BTBD9: variants seen among roughly 807,000 people sequenced by gnomAD.
The protein encoded by BTBD9 is BTB/POZ domain-containing protein 9.
In BTBD9, 49 loss-of-function variants were observed where a neutral mutation model predicts 64.3. The ratio of observed to expected loss-of-function variants is 0.76; its 90% CI spans 0.61 to 0.97. The LOEUF is 0.97. Ranked by LOEUF, BTBD9 falls within the 50% of genes least tolerant of loss-of-function variation. The pLI is 0.00. For synonymous variants in BTBD9, 260 were observed against 274.7 expected, an observed-to-expected ratio of 0.95 and a Z score of 0.53; for missense variants, 598 against 762.1, an observed-to-expected ratio of 0.78 and a Z score of 2.53.
At chr6:38,332,485 G>A (rs1486824753) in intron 7 of BTBD9, among the ~76,000 whole-genome samples, 2 of 152,058 alleles carry the variant, frequency 1.3e-5, no homozygotes, top group African/African-American at 4.8e-5. Flanking sequence ...TTCAGAGTTT[G>A]GATGATTGCT....
At chr6:38,271,595 A>T (rs575608971) in intron 8 of BTBD9, among the ~76,000 whole-genome samples, 1 of 152,266 alleles carries the variant, frequency 6.6e-6, no homozygotes, top group East Asian at 1.9e-4. Flanking sequence ...AGCAGGGTCG[A>T]ATAGTTGCAC....
chr6:38,509,363 C>A (rs1299394485), intron 6 of BTBD9, among the ~76,000 whole-genome samples: 1 of 152,166 alleles, frequency 6.6e-6, no homozygotes, highest in Non-Finnish European at 1.5e-5. Flanking sequence ...TTTGCATCAA[C>A]TATAAGTAAA....
intron 7 of BTBD9, among the ~76,000 whole-genome samples, chr6:38,319,382 C>A (rs763213097): frequency 2.2e-4 from 34 of 152,064 alleles, no homozygotes; most frequent in Non-Finnish European, 4.1e-4. Flanking sequence ...ACCACAGCTG[C>A]GAATATGCTG....
chr6:38,312,699 G>A lies in BTBD9; in HGVS notation c.1265-24238C>T, dbSNP rs142954800. 4.4e-3 allele frequency among the ~76,000 whole-genome samples: 677 copies of A among 152,222 alleles called. 4 individuals carry two copies. Among genetic ancestry groups the A allele is most frequent in the African/African-American group, 0.015 (640 of 41,554 alleles). On this transcript the variant is annotated intron_variant, in intron 7 of 10. Transcript: ENST00000481247. ...GGTATATATTCTTGGCACCTTTGTC[G>A]AAAATGAGTTCACTGTAGTTGTGTG...
In BTBD9 at chr6:38,425,958, A is replaced by ACACACACACACACAC. The variant is rs1554150450; in HGVS notation, c.1155-80866_1155-80865insGTGTGTGTGTGTGTG. On this transcript the variant is annotated intron_variant, in intron 6 of 10. Transcript: ENST00000481247. ...CACACACACACACACACACACACACAAACAAAAGCAAGCCCAGACCAGAAG... is the reference window on the plus strand; with the variant it reads ...CACACACACACACACACACACACACACACACACACACACACAACAAAAGCAAGCCCAGACCAGAAG... Among the ~76,000 whole-genome samples the ACACACACACACACAC allele has an allele frequency of 8.0e-5, 12 of 150,366 alleles. No individual in the cohort carries two copies. In the East Asian group the frequency reaches 1.8e-3, roughly 22 times the overall value.
intron 8 of BTBD9, among the ~76,000 whole-genome samples, chr6:38,259,016 A>C (rs1764706003): frequency 6.6e-6 from 1 of 152,232 alleles, no homozygotes; most frequent in Non-Finnish European, 1.5e-5. Context: ...AATCCTTCTA[A>C]ATATCCTCTT....
intron 6 of BTBD9, among the ~76,000 whole-genome samples, chr6:38,374,557 C>T (rs1184127757): frequency 6.6e-6 from 1 of 151,544 alleles, no homozygotes; most frequent in Non-Finnish European, 1.5e-5. Flanking sequence ...CCAGTTGAGA[C>T]ATCTCTTTTT....
At chr6:38,634,693 A>C (rs1018973916) in intron 1 of BTBD9, among the ~76,000 whole-genome samples, 2 of 152,182 alleles carry the variant, frequency 1.3e-5, no homozygotes, top group African/African-American at 4.8e-5. Context: ...ATTAGAAATC[A>C]TATCCTCCCC....
intron 9 of BTBD9, among the ~76,000 whole-genome samples, chr6:38,227,328 T>G (rs1561898592): frequency 6.6e-6 from 1 of 152,214 alleles, no homozygotes; most frequent in African/African-American, 2.4e-5. Context: ...GAGCACATAT[T>G]TAGTAGGCGG....
intron 5 of BTBD9, among the ~76,000 whole-genome samples, chr6:38,579,730 A>G (rs1213426798): frequency 6.6e-6 from 1 of 152,256 alleles, no homozygotes; most frequent in Non-Finnish European, 1.5e-5. Context: ...ATGGTAGAAT[A>G]CAAAACGACT....
intron 6 of BTBD9, among the ~76,000 whole-genome samples, chr6:38,509,781 A>G (rs574224141): frequency 3.3e-5 from 5 of 152,344 alleles, no homozygotes; most frequent in East Asian, 1.9e-4. Context: ...GCCTCAGTAT[A>G]TATTTGTTGA....
chr6:38,437,275 T>C (rs1768784805), intron 6 of BTBD9, among the ~76,000 whole-genome samples: 1 of 151,904 alleles, frequency 6.6e-6, no homozygotes, highest in South Asian at 2.1e-4. Context: ...GAAGGGAGGG[T>C]CACGGCAGCT....
chr6:38,550,002 C>T (rs1469571599), intron 6 of BTBD9, among the ~76,000 whole-genome samples: 1 of 152,176 alleles, frequency 6.6e-6, no homozygotes, highest in Non-Finnish European at 1.5e-5. Context: ...CCCTGCCTCA[C>T]AGGCAGCTCT....
chr6:38,268,743 T>A (rs548497494), intron 8 of BTBD9, among the ~76,000 whole-genome samples: 81 of 152,320 alleles, frequency 5.3e-4, no homozygotes, highest in African/African-American at 1.9e-3. Flanking sequence ...ATCTACAAAG[T>A]CTTGAGCTCT....
chr6:38,217,455 A>G (rs1330557485), intron 9 of BTBD9, among the ~76,000 whole-genome samples: 1 of 152,078 alleles, frequency 6.6e-6, no homozygotes, highest in East Asian at 1.9e-4. Flanking sequence ...AGACTTAGGA[A>G]GATAATTTTA....
chr6:38,281,199 T>A (rs1400124570), intron 8 of BTBD9, among the ~76,000 whole-genome samples: 1 of 152,222 alleles, frequency 6.6e-6, no homozygotes, highest in Non-Finnish European at 1.5e-5. Flanking sequence ...TCTGTGCTTA[T>A]CCTTCTGGAG....
At chr6:38,303,854 TA>T (rs1762505005) in intron 7 of BTBD9, among the ~76,000 whole-genome samples, 1 of 117,392 alleles carries the variant, frequency 8.5e-6, no homozygotes, top group Non-Finnish European at 1.7e-5. Context: ...TATATATATA[TA>T]TATATATATA....
At chr6:38,635,720 T>C (rs1235115579) in intron 1 of BTBD9, among the ~76,000 whole-genome samples, 4 of 152,208 alleles carry the variant, frequency 2.6e-5, no homozygotes, top group African/African-American at 4.8e-5. Context: ...TACTGGCACA[T>C]TGATCTGGGA....
chr6:38,302,472 C>A (rs1186874224), intron 7 of BTBD9, among the ~76,000 whole-genome samples: 1 of 102,848 alleles, frequency 9.7e-6, no homozygotes, highest in Non-Finnish European at 2.0e-5. Flanking sequence ...GAATAATATT[C>A]CATTGTGTGT....
Sources: allele counts gnomAD v4.1 joint callset (sites outside exome capture counted in the v4.1 genomes callset), GRCh38; gene constraint gnomAD v4.1.1; transcripts MANE v1.5; gene names NCBI Gene and HGNC (gene_info 2026-07-23, HGNC 2026-07-21).